ATG13: variants seen among roughly 807,000 people sequenced by gnomAD.
The protein encoded by ATG13 is autophagy related 13, also known as autophagy-related protein 13.
ATG13 carries 23 observed loss-of-function variants against 65.5 expected under a neutral mutation model. That is an observed-to-expected ratio of 0.35 (90% CI 0.25 to 0.50). The LOEUF is 0.50. Among genes scored for constraint, ATG13 ranks in the 20% least tolerant of loss-of-function variants. The pLI is 0.98. For synonymous variants in ATG13, 252 were observed against 245.2 expected, an observed-to-expected ratio of 1.03 and a Z score of -0.26; for missense variants, 566 against 677.0, an observed-to-expected ratio of 0.84 and a Z score of 1.82.
intron 1 of ATG13, chr11:46,621,266 GC>G (rs2047416780): frequency 6.6e-6 from 1 of 152,120 alleles, no homozygotes; most frequent in African/African-American, 2.4e-5. Flanking sequence ...ACCCACCTTG[GC>G]CTCCCAAAGT....
rs201617739 is a variant in ATG13, at chr11:46,657,078, T to C, written c.500-17T>C. 6.3e-7 allele frequency: 1 copy of C among 1,597,430 alleles called. No individual in the cohort carries two copies. Among genetic ancestry groups the C allele is most frequent in the Admixed American group, 1.7e-5 (1 of 59,984 alleles). On this transcript the variant is annotated splice_polypyrimidine_tract_variant and intron_variant, in intron 8 of 18. Coordinates refer to ENST00000683050, the MANE Select transcript of ATG13 (RefSeq NM_001346311.2). ...TATTCTCTGCAAAAGAAGCTAATAA[T>C]GTATCTCTTCTCCTAGGCTTCCAGA...
At chr11:46,651,929 T>C (rs1038217271) in intron 7 of ATG13, among the ~76,000 whole-genome samples, 1 of 152,166 alleles carries the variant, frequency 6.6e-6, no homozygotes, top group African/African-American at 2.4e-5. Flanking sequence ...GTGTTTAAAG[T>C]GTTCCTTTAT....
At chr11:46,652,218 A>G (rs915315612) in intron 7 of ATG13, among the ~76,000 whole-genome samples, 1 of 152,160 alleles carries the variant, frequency 6.6e-6, no homozygotes, top group Non-Finnish European at 1.5e-5. Context: ...ACTGCACTCC[A>G]GCCTGGGTGA....
intron 7 of ATG13, among the ~76,000 whole-genome samples, chr11:46,651,081 A>T (rs1452614578): frequency 6.6e-6 from 1 of 152,236 alleles, no homozygotes; most frequent in Admixed American, 6.5e-5. Flanking sequence ...ATTTCACCTC[A>T]GCACATTTAT....
chr11:46,672,894 C>T lies in ATG13; in HGVS notation c.*562C>T. 2.0e-6 allele frequency: 2 copies of T among 1,014,524 alleles called. No individual in the cohort carries two copies. Among genetic ancestry groups the T allele is most frequent in the South Asian group, 3.3e-5 (2 of 61,418 alleles). The allele number at this position is 1,014,524 out of a possible 1,614,324, so 62.8% of individuals were successfully genotyped here. A position where few individuals can be genotyped will look rare whatever the true frequency, so the allele number is the denominator to read the frequency against. ...CTCTCTTGCCTCTATGCCTGTATTT[C>T]TGGCAATATGACAGGCCTGCCTACC... On this transcript the variant is annotated 3_prime_UTR_variant, in exon 19 of 19. Coordinates refer to ENST00000683050, the MANE Select transcript of ATG13 (RefSeq NM_001346311.2).
chr11:46,654,973 C>T (rs990763651), intron 7 of ATG13, among the ~76,000 whole-genome samples: 1 of 152,058 alleles, frequency 6.6e-6, no homozygotes, highest in African/African-American at 2.4e-5. Context: ...GTAGCGCATA[C>T]CTGTAGTGCC....
chr11:46,637,828 A>T (rs955079722), intron 2 of ATG13, among the ~76,000 whole-genome samples: 3 of 152,194 alleles, frequency 2.0e-5, no homozygotes, highest in Non-Finnish European at 4.4e-5. Flanking sequence ...GGCTCCTGGC[A>T]TAGGGCAGCT....
intron 15 of ATG13, 128 bp from the exon 16 acceptor site, chr11:46,668,371 C>A: frequency 1.1e-6 from 1 of 891,002 alleles, no homozygotes; most frequent in Non-Finnish European, 1.8e-6. Flanking sequence ...AAGGCAGGAG[C>A]CTAAGGGGCA....
At chr11:46,654,192 G>A in intron 7 of ATG13, among the ~76,000 whole-genome samples, 1 of 149,912 alleles carries the variant, frequency 6.7e-6, no homozygotes, top group East Asian at 1.9e-4. Flanking sequence ...CAGCACTTTG[G>A]GAGGCTGAGG....
rs371412932 is a variant in ATG13, at chr11:46,622,105, A to G, written c.-70+4215A>G. Among the ~76,000 whole-genome samples the G allele has an allele frequency of 1.2e-4, 12 of 101,670 alleles. No individual in the cohort carries two copies. In the East Asian group the frequency reaches 1.6e-3, roughly 14 times the overall value. The allele number at this position is 101,670 out of a possible 152,430, so 66.7% of individuals were successfully genotyped here. A position where few individuals can be genotyped will look rare whatever the true frequency, so the allele number is the denominator to read the frequency against. On this transcript the variant is annotated intron_variant, in intron 1 of 18. Coordinates refer to ENST00000683050, the MANE Select transcript of ATG13 (RefSeq NM_001346311.2). ...TATATATATATATATATATATATAT[A>G]TATATATATATATATATATATATTT...
chr11:46,658,635 A>G (rs1322424768), intron 10 of ATG13, among the ~76,000 whole-genome samples: 2 of 151,282 alleles, frequency 1.3e-5, no homozygotes, highest in Admixed American at 6.6e-5. Flanking sequence ...TCTTGGGTTC[A>G]AACAGTTCTC....
At chr11:46,668,472 G>C in intron 15 of ATG13, 27 bp from the exon 16 acceptor site, 1 of 1,607,592 alleles carries the variant, frequency 6.2e-7, no homozygotes, top group Non-Finnish European at 8.5e-7. Flanking sequence ...GGGCAGGCAT[G>C]AATGCTTTTC....
chr11:46,672,864 C>T lies in ATG13; in HGVS notation c.*532C>T. Reference sequence around the variant, plus strand: ...CTTCCTGCTATCTTCTTCTCCTCTTCTTCTCTCTCTTGCCTCTATGCCTGT... The same window carrying T: ...CTTCCTGCTATCTTCTTCTCCTCTTTTTCTCTCTCTTGCCTCTATGCCTGT... On this transcript the variant is annotated 3_prime_UTR_variant, in exon 19 of 19. Transcript: ENST00000683050. The T allele has an allele frequency of 3.5e-6, 4 of 1,140,312 alleles. No homozygotes were observed. Among genetic ancestry groups the T allele is most frequent in the East Asian group, 5.9e-5 (1 of 17,040 alleles). 70.6% of individuals were successfully genotyped at this position (1,140,312 alleles called of 1,614,324 possible).
intron 14 of ATG13, among the ~76,000 whole-genome samples, chr11:46,666,916 T>G (rs1019603479): frequency 8.6e-5 from 13 of 151,962 alleles, no homozygotes; most frequent in African/African-American, 1.5e-4. Context: ...AGGAAGGTTT[T>G]TGTGTGTGTG....
At chr11:46,628,963 G>A (rs1301383083) in intron 1 of ATG13, among the ~76,000 whole-genome samples, 1 of 147,180 alleles carries the variant, frequency 6.8e-6, no homozygotes, top group Non-Finnish European at 1.5e-5. Flanking sequence ...TGGAGACGGA[G>A]TCTCACTGTG....
chr11:46,669,972 T>G (rs2063318673), intron 18 of ATG13, among the ~76,000 whole-genome samples: 1 of 152,156 alleles, frequency 6.6e-6, no homozygotes, highest in Non-Finnish European at 1.5e-5. Flanking sequence ...TGACCAGATG[T>G]CCTGATACTG....
chr11:46,623,213 G>C (rs1458290501), intron 1 of ATG13, among the ~76,000 whole-genome samples: 1 of 152,078 alleles, frequency 6.6e-6, no homozygotes. Flanking sequence ...AGAATGGCAC[G>C]AACCTGGGAG....
intron 12 of ATG13, 92 bp from the exon 13 acceptor site, chr11:46,664,757 C>T: frequency 8.5e-7 from 1 of 1,174,670 alleles, no homozygotes; most frequent in Non-Finnish European, 1.3e-6. Flanking sequence ...CATTCCTTAT[C>T]TCTCTACTGA....
chr11:46,663,042 G>C (rs1015007454), intron 11 of ATG13, among the ~76,000 whole-genome samples: 1 of 152,080 alleles, frequency 6.6e-6, no homozygotes, highest in Non-Finnish European at 1.5e-5. Context: ...GAGGTGGGCG[G>C]ATCACGAGGT....
Sources: gnomAD v4.1 joint callset for allele counts (sites outside exome capture counted in the v4.1 genomes callset) on GRCh38, gnomAD v4.1.1 for gene constraint, MANE v1.5 for transcripts, NCBI Gene and HGNC (gene_info 2026-07-23, HGNC 2026-07-21) for gene names.